TBC1D15: variants seen among roughly 807,000 people sequenced by gnomAD.
The protein encoded by TBC1D15 is GAP for RAB7.
A neutral mutation model predicts 95.4 loss-of-function variants in TBC1D15; 39 were observed. The observed-to-expected ratio is 0.41, with a 90% CI of 0.32 to 0.53. The LOEUF is 0.53. Among genes scored for constraint, TBC1D15 ranks in the 20% least tolerant of loss-of-function variants. TBC1D15 has a pLI of 0.29. For synonymous variants in TBC1D15, 258 were observed against 261.3 expected, an observed-to-expected ratio of 0.99 and a Z score of 0.12; for missense variants, 733 against 794.3, an observed-to-expected ratio of 0.92 and a Z score of 0.93.
intron 14 of TBC1D15, among the ~76,000 whole-genome samples, chr12:71,919,455 CA>C (rs1303628323): frequency 1.3e-5 from 2 of 152,018 alleles, no homozygotes; most frequent in African/African-American, 4.8e-5. Flanking sequence ...ATTGTAAATC[CA>C]ACTTTATACA....
chr12:71,856,306 T>C (rs1296359926), intron 1 of TBC1D15, among the ~76,000 whole-genome samples: 1 of 152,304 alleles, frequency 6.6e-6, no homozygotes, highest in African/African-American at 2.4e-5. Flanking sequence ...GGAAACTGAT[T>C]AGGCTATTCC....
chr12:71,873,043 T>G (rs1456129232), intron 3 of TBC1D15, 40 bp downstream of exon 3: 1 of 1,370,578 alleles, frequency 7.3e-7, no homozygotes, highest in Non-Finnish European at 1.0e-6. Context: ...GAATGCCATT[T>G]AAAAAATAAC....
At chr12:71,911,664 C>A (rs1902386126) in intron 11 of TBC1D15, among the ~76,000 whole-genome samples, 3 of 150,126 alleles carry the variant, frequency 2.0e-5, no homozygotes, top group Non-Finnish European at 4.4e-5. Context: ...AGGAGATATA[C>A]CTAATGCTAA....
chr12:71,902,484 C>T (rs2138822068), intron 10 of TBC1D15, among the ~76,000 whole-genome samples: 1 of 152,322 alleles, frequency 6.6e-6, no homozygotes, highest in South Asian at 2.1e-4. Flanking sequence ...AGGGAAATGA[C>T]TCCCTATTCA....
At chr12:71,859,351 T>G (rs1889864630) in intron 1 of TBC1D15, among the ~76,000 whole-genome samples, 1 of 152,162 alleles carries the variant, frequency 6.6e-6, no homozygotes, top group Admixed American at 6.5e-5. Flanking sequence ...TATTAAACCC[T>G]TGTTGGATGT....
At chr12:71,859,240 A>G (rs1246748631) in intron 1 of TBC1D15, among the ~76,000 whole-genome samples, 1 of 152,052 alleles carries the variant, frequency 6.6e-6, no homozygotes, top group African/African-American at 2.4e-5. Context: ...AACTTCCTGT[A>G]TGTCTTCTTT....
intron 1 of TBC1D15, among the ~76,000 whole-genome samples, chr12:71,868,440 G>T (rs1187469449): frequency 6.6e-6 from 1 of 151,900 alleles, no homozygotes; most frequent in African/African-American, 2.4e-5. Context: ...TAGAGACGAG[G>T]TTTCACCGTG....
At position 71,917,807 on chromosome 12, in the gene TBC1D15, G is replaced by A. The variant is rs1318543350; in HGVS notation, c.1501+10G>A. On this transcript the variant is annotated intron_variant, in intron 13 of 16. Transcript: ENST00000485960. ...TTTTGCAGTTACTTAGGTAAGTTTAGTGAATCAGAACTATACCCAGCAAAT... is the reference window on the plus strand; with the variant it reads ...TTTTGCAGTTACTTAGGTAAGTTTAATGAATCAGAACTATACCCAGCAAAT... 3.2e-6 allele frequency: 5 copies of A among 1,569,710 alleles called. No individual in the cohort carries two copies. Among genetic ancestry groups the A allele is most frequent in the Non-Finnish European group, 4.4e-6 (5 of 1,140,526 alleles).
At chr12:71,881,916 CAAAAAAAAAAA>C (rs35977474) in intron 4 of TBC1D15, among the ~76,000 whole-genome samples, 1 of 53,604 alleles carries the variant, frequency 1.9e-5, no homozygotes, top group Non-Finnish European at 3.7e-5. Context: ...GACTCCGTCT[CAAAAAAAAAAA>C]AAAAAAAAAA....
intron 1 of TBC1D15, among the ~76,000 whole-genome samples, chr12:71,858,928 G>A (rs1889755682): frequency 6.6e-6 from 1 of 150,716 alleles, no homozygotes; most frequent in Non-Finnish European, 1.5e-5. Flanking sequence ...ATTCCCACCA[G>A]CAGTGTATAA....
At chr12:71,873,849 G>T (rs1893207926) in intron 3 of TBC1D15, among the ~76,000 whole-genome samples, 1 of 152,198 alleles carries the variant, frequency 6.6e-6, no homozygotes, top group Admixed American at 6.5e-5. Flanking sequence ...TTGTCTCTCA[G>T]TTCTGGAGAC....
At chr12:71,877,444 C>T (rs1894131681) in intron 3 of TBC1D15, among the ~76,000 whole-genome samples, 1 of 150,390 alleles carries the variant, frequency 6.6e-6, no homozygotes, top group African/African-American at 2.4e-5. Context: ...CTTTCTGGAG[C>T]TCTACAATTT....
intron 1 of TBC1D15, among the ~76,000 whole-genome samples, chr12:71,851,988 C>G (rs78113247): frequency 0.097 from 14,773 of 152,284 alleles, 845 homozygotes; most frequent in East Asian, 0.16. Context: ...CTCCTCCTCA[C>G]TGCCCTATTA....
At chr12:71,844,456 T>C (rs1375262356) in intron 1 of TBC1D15, among the ~76,000 whole-genome samples, 1 of 152,244 alleles carries the variant, frequency 6.6e-6, no homozygotes, top group African/African-American at 2.4e-5. Context: ...TATCCTCTGC[T>C]TCCCTATACC....
chr12:71,841,256 C>G (rs1884926431), intron 1 of TBC1D15: 1 of 152,120 alleles, frequency 6.6e-6, no homozygotes, highest in South Asian at 2.1e-4. Flanking sequence ...TGAAAGAATC[C>G]TTGAGGCAAT....
At chr12:71,861,394 G>GT (rs755235488) in intron 1 of TBC1D15, 32 of 1,426,788 alleles carry the variant, frequency 2.2e-5, no homozygotes, top group South Asian at 1.2e-4. Context: ...TACTGTAATT[G>GT]TTTTTTTCAG....
intron 1 of TBC1D15, among the ~76,000 whole-genome samples, chr12:71,852,573 C>T (rs139916669): frequency 2.2e-4 from 34 of 152,270 alleles, no homozygotes; most frequent in African/African-American, 7.7e-4. Flanking sequence ...CATTTCTTTG[C>T]GTATGCATAT....
rs757841042 is a variant in TBC1D15 at position 71,907,056 on chromosome 12, G to A, written c.1218G>A (p.Lys406=). Reference sequence around the variant, plus strand: ...TTAACAGAACAGATCGAACAAACAAGTTTTATGAAGGCCAAGATAATCCAG... The same window carrying A: ...TTAACAGAACAGATCGAACAAACAAATTTTATGAAGGCCAAGATAATCCAG... ...KDVNRTDRTN[K]FYEGQDNPGL... Residue 406 remains lysine, a synonymous_variant, in exon 11 of 17, where the codon AAG becomes AAA. Coordinates refer to ENST00000485960, the MANE Select transcript of TBC1D15 (RefSeq NM_001146213.3). The A allele has an allele frequency of 9.3e-6, 15 of 1,611,704 alleles. No homozygotes were observed. In the South Asian group the frequency reaches 1.3e-4, roughly 14 times the overall value.
intron 7 of TBC1D15, 137 bp downstream of exon 7, chr12:71,895,020 C>G: frequency 2.8e-6 from 2 of 703,406 alleles, no homozygotes; most frequent in Non-Finnish European, 4.6e-6. Context: ...GTATATCTGA[C>G]AATGAGTGCT....
Sources: gnomAD v4.1 joint callset for allele counts (sites outside exome capture counted in the v4.1 genomes callset) on GRCh38, gnomAD v4.1.1 for gene constraint, MANE v1.5 for transcripts, NCBI Gene and HGNC (gene_info 2026-07-23, HGNC 2026-07-21) for gene names.